Variants in RUNDC3B observed in about 807,000 individuals in gnomAD.
RUNDC3B encodes RUN domain containing 3B.
RUNDC3B carries 33 observed loss-of-function variants against 58.4 expected under a neutral mutation model. The ratio of observed to expected loss-of-function variants is 0.56; its 90% CI spans 0.43 to 0.75. RUNDC3B has a LOEUF of 0.75. RUNDC3B is among the 30% of genes least tolerant of loss of function. RUNDC3B has a pLI of 0.00. For synonymous variants in RUNDC3B, 193 were observed against 195.2 expected (o/e 0.99, Z 0.10); for missense variants, 501 against 535.7 (o/e 0.94, Z 0.64).
At chr7:87,634,136 A>C (rs1821500201) in intron 1 of RUNDC3B, among the ~76,000 whole-genome samples, 1 of 152,288 alleles carries the variant, frequency 6.6e-6, no homozygotes, top group East Asian at 1.9e-4. Context: ...CAGCCTTGCT[A>C]GAGTGAGAAC....
In RUNDC3B at chr7:87,756,279, C is replaced by T. The variant is rs147103922; in HGVS notation, c.630-14302C>T. Among the ~76,000 whole-genome samples, 1,055 of 152,082 alleles carry T rather than the reference C, an allele frequency of 6.9e-3. 11 individuals carry two copies. Among genetic ancestry groups the T allele is most frequent in the African/African-American group, 0.024 (976 of 41,532 alleles). ...ATTGTTTTTAGGGAATCATGTAGAA[C>T]AAGTGCTTTAATCTTTCTTTATTCA... On this transcript the variant is annotated intron_variant, in intron 6 of 10. Transcript: ENST00000394654.
intron 2 of RUNDC3B, among the ~76,000 whole-genome samples, chr7:87,698,791 T>G (rs568033048): frequency 6.6e-6 from 1 of 152,212 alleles, no homozygotes; most frequent in Admixed American, 6.5e-5. Context: ...AGAAATACTT[T>G]TGAGGAGAAG....
chr7:87,767,661 T>G (rs893420776), intron 6 of RUNDC3B, among the ~76,000 whole-genome samples: 4 of 152,204 alleles, frequency 2.6e-5, no homozygotes, highest in African/African-American at 9.7e-5. Flanking sequence ...TAAGTTGCAC[T>G]TCAGAGTAAG....
At chr7:87,673,077 A>C (rs1160240569) in intron 2 of RUNDC3B, among the ~76,000 whole-genome samples, 1 of 152,174 alleles carries the variant, frequency 6.6e-6, no homozygotes, top group African/African-American at 2.4e-5. Flanking sequence ...TTTCTGCTGA[A>C]AGGTTTGCTG....
chr7:87,721,902 T>G (rs1389570932), intron 4 of RUNDC3B, among the ~76,000 whole-genome samples: 1 of 151,988 alleles, frequency 6.6e-6, no homozygotes, highest in Non-Finnish European at 1.5e-5. Flanking sequence ...TTTATAGCGT[T>G]GCATTTTTTA....
At position 87,628,704 on chromosome 7, in the gene RUNDC3B, C is replaced by A. The variant is rs1820865973; in HGVS notation, c.-120C>A. 3 of 584,696 alleles carry A rather than the reference C, an allele frequency of 5.1e-6. No individual in the cohort carries two copies. Among genetic ancestry groups the A allele is most frequent in the South Asian group, 9.2e-5 (1 of 10,814 alleles). 36.2% of individuals were successfully genotyped at this position (584,696 alleles called of 1,614,324 possible). A position where few individuals can be genotyped will look rare whatever the true frequency, so the allele number is the denominator to read the frequency against. On this transcript the variant is annotated 5_prime_UTR_variant, in exon 1 of 11. Coordinates refer to ENST00000394654, the MANE Select transcript of RUNDC3B (RefSeq NM_001134405.2). The stretch of plus-strand genomic sequence containing the variant: ...CTTCCACACCCTTCCTCCCTCCAGG[C>A]TCCTTTCCTACATCCTTCCCGCGCC...
chr7:87,670,331 G>T (rs1288436059), intron 2 of RUNDC3B, among the ~76,000 whole-genome samples: 2 of 152,182 alleles, frequency 1.3e-5, no homozygotes, highest in East Asian at 1.9e-4. Context: ...GACCCATTGG[G>T]TTCTGTTTTT....
intron 8 of RUNDC3B, among the ~76,000 whole-genome samples, chr7:87,788,081 A>T (rs1437132190): frequency 1.3e-5 from 2 of 152,206 alleles, no homozygotes; most frequent in African/African-American, 4.8e-5. Flanking sequence ...ATGCAATACT[A>T]ATTTAAAGTA....
At chr7:87,692,263 C>T (rs979176445) in intron 2 of RUNDC3B, among the ~76,000 whole-genome samples, 4 of 152,040 alleles carry the variant, frequency 2.6e-5, no homozygotes, top group African/African-American at 9.7e-5. Flanking sequence ...CCAGCCTGAG[C>T]AACATAGCAA....
intron 2 of RUNDC3B, among the ~76,000 whole-genome samples, chr7:87,691,214 T>C (rs1430037369): frequency 6.6e-6 from 1 of 152,142 alleles, no homozygotes; most frequent in Non-Finnish European, 1.5e-5. Context: ...AATTTCAATA[T>C]TAATAAAATT....
chr7:87,799,343 C>T (rs1835994103), intron 8 of RUNDC3B, among the ~76,000 whole-genome samples: 1 of 152,138 alleles, frequency 6.6e-6, no homozygotes, highest in South Asian at 2.1e-4. Context: ...TGGAGGTAGG[C>T]AGTTCTGTTT....
chr7:87,740,893 TTTG>T (rs1461398499), intron 5 of RUNDC3B, among the ~76,000 whole-genome samples: 1 of 152,092 alleles, frequency 6.6e-6, no homozygotes, highest in Non-Finnish European at 1.5e-5. Context: ...GTTTTGTTTG[TTTG>T]TTGTTTTATT....
Position 87,781,292 on chromosome 7 carries a change from G to A in RUNDC3B, c.956+3337G>A, listed in dbSNP as rs188666884. Among the ~76,000 whole-genome samples, 177 of 144,778 alleles carry A rather than the reference G, an allele frequency of 1.2e-3. 2 individuals carry two copies. The highest frequency in any genetic ancestry group is 1.9e-3 in the Non-Finnish European group (123 of 63,580). 95.0% of individuals were successfully genotyped at this position (144,778 alleles called of 152,430 possible). The stretch of plus-strand genomic sequence containing the variant: ...TTTTGAGGTGACTCTCAGCTTGACC[G>A]TTATTGGTGTATAGAAGTACAACTG... On this transcript the variant is annotated intron_variant, in intron 8 of 10. Coordinates refer to ENST00000394654, the MANE Select transcript of RUNDC3B (RefSeq NM_001134405.2).
chr7:87,706,429 G>T (rs1442196059), intron 3 of RUNDC3B, among the ~76,000 whole-genome samples: 3 of 152,092 alleles, frequency 2.0e-5, no homozygotes, highest in Non-Finnish European at 4.4e-5. Context: ...AAACAGAGTC[G>T]ATCCCAAAGG....
chr7:87,715,430 AATTATATTAATATAATATATAATTAT>A (rs1830496055), intron 4 of RUNDC3B, among the ~76,000 whole-genome samples: 1 of 129,690 alleles, frequency 7.7e-6, no homozygotes, highest in Non-Finnish European at 1.6e-5. Context: ...TTTAATATAT[AATTATATTAATATAATATATAATTAT>A]ATTATATTAA....
At chr7:87,673,048 A>G (rs1394988299) in intron 2 of RUNDC3B, among the ~76,000 whole-genome samples, 1 of 151,382 alleles carries the variant, frequency 6.6e-6, no homozygotes, top group Admixed American at 6.6e-5. Flanking sequence ...AGGACCCCAA[A>G]CTCTTCTGGT....
At chr7:87,689,491 C>A (rs927861444) in intron 2 of RUNDC3B, among the ~76,000 whole-genome samples, 2 of 152,026 alleles carry the variant, frequency 1.3e-5, no homozygotes, top group East Asian at 1.9e-4. Flanking sequence ...TGCTTTATTG[C>A]GCTAATATTT....
chr7:87,819,570 T>A (rs1837293513), intron 10 of RUNDC3B, among the ~76,000 whole-genome samples: 2 of 152,072 alleles, frequency 1.3e-5, no homozygotes, highest in Non-Finnish European at 2.9e-5. Flanking sequence ...CCACCCCAAA[T>A]CAACAGAATA....
intron 2 of RUNDC3B, among the ~76,000 whole-genome samples, chr7:87,686,178 C>A (rs1447111450): frequency 6.6e-6 from 1 of 152,020 alleles, no homozygotes; most frequent in Non-Finnish European, 1.5e-5. Flanking sequence ...TTTTTCTATT[C>A]TCTTTACCTC....
Sources: gnomAD v4.1 joint callset for allele counts (sites outside exome capture counted in the v4.1 genomes callset) on GRCh38, gnomAD v4.1.1 for gene constraint, MANE v1.5 for transcripts, NCBI Gene and HGNC (gene_info 2026-07-23, HGNC 2026-07-21) for gene names.